TMEM132D: variants seen among roughly 807,000 people sequenced by gnomAD.
TMEM132D encodes transmembrane protein 132D.
TMEM132D carries 21 observed loss-of-function variants against 62.3 expected under a neutral mutation model. The ratio of observed to expected loss-of-function variants is 0.34; its 90% confidence interval spans 0.24 to 0.49. The LOEUF (loss-of-function observed/expected upper bound fraction) is 0.49. Ranked by LOEUF, TMEM132D falls within the 20% of genes least tolerant of loss-of-function variation. The probability of loss-of-function intolerance (pLI) is 0.99; values close to 1 mark genes in which losing one functional copy is unlikely to be tolerated. For synonymous variants in TMEM132D, 621 were observed against 575.6 expected, an observed-to-expected ratio of 1.08 and a Z score of -1.13; for missense variants, 1,346 against 1,402.8, an observed-to-expected ratio of 0.96 and a Z score of 0.65.
chr12:129,527,828 T>C (rs1593052061), intron 3 of TMEM132D, among the ~76,000 whole-genome samples: 3 of 152,378 alleles, frequency 2.0e-5, no homozygotes, highest in Admixed American at 2.0e-4. Context: ...AACATTCACA[T>C]GTTCATACTG....
At chr12:129,605,515 C>T (rs1419420071) in intron 2 of TMEM132D, among the ~76,000 whole-genome samples, 1 of 150,552 alleles carries the variant, frequency 6.6e-6, no homozygotes, top group Non-Finnish European at 1.5e-5. Flanking sequence ...ACTAGAAAAT[C>T]ATACATCAGT....
At chr12:129,285,095 G>A (rs1881252455) in intron 4 of TMEM132D, among the ~76,000 whole-genome samples, 1 of 152,184 alleles carries the variant, frequency 6.6e-6, no homozygotes, top group Non-Finnish European at 1.5e-5. Flanking sequence ...CAAAAGCAAT[G>A]GAGGTTTTTT....
At chr12:129,168,251 ATTTT>A (rs3996445) in intron 5 of TMEM132D, among the ~76,000 whole-genome samples, 1 of 150,938 alleles carries the variant, frequency 6.6e-6, no homozygotes, top group Non-Finnish European at 1.5e-5. Flanking sequence ...CTCTTTTGGG[ATTTT>A]TTTTTTACCA....
chr12:129,886,060 T>C (rs530532014), intron 1 of TMEM132D, among the ~76,000 whole-genome samples: 1 of 152,362 alleles, frequency 6.6e-6, no homozygotes, highest in South Asian at 2.1e-4. Flanking sequence ...AAGATTCTCA[T>C]TATGCAAAAA....
At chr12:129,807,103 TACATGA>T (rs1235357584) in intron 1 of TMEM132D, among the ~76,000 whole-genome samples, 3 of 152,154 alleles carry the variant, frequency 2.0e-5, no homozygotes, top group Admixed American at 6.5e-5. Flanking sequence ...GAGAGGATTT[TACATGA>T]ACATGAAGAT....
At chr12:129,199,195 G>T (rs529212637) in intron 5 of TMEM132D, among the ~76,000 whole-genome samples, 10 of 139,580 alleles carry the variant, frequency 7.2e-5, no homozygotes, top group African/African-American at 2.7e-4. Context: ...CTGCAGCCTC[G>T]ACTTCCCAGG....
intron 3 of TMEM132D, among the ~76,000 whole-genome samples, chr12:129,460,406 A>G (rs995568933): frequency 2.0e-5 from 3 of 152,298 alleles, no homozygotes; most frequent in African/African-American, 7.2e-5. Context: ...TCAGGAAGGG[A>G]TTCCTGCATA....
At chr12:129,819,806 C>T (rs1872494294) in intron 1 of TMEM132D, among the ~76,000 whole-genome samples, 1 of 152,088 alleles carries the variant, frequency 6.6e-6, no homozygotes, top group Non-Finnish European at 1.5e-5. Context: ...ATTATTTAAA[C>T]ATGTTTTCCT....
intron 3 of TMEM132D, among the ~76,000 whole-genome samples, chr12:129,446,811 G>A (rs1488275038): frequency 3.3e-5 from 5 of 152,148 alleles, no homozygotes; most frequent in Admixed American, 6.5e-5. Context: ...TGCTGTGGTG[G>A]TGATTTCTTT....
At chr12:129,383,732 C>T (rs773505356) in intron 3 of TMEM132D, among the ~76,000 whole-genome samples, 3 of 152,224 alleles carry the variant, frequency 2.0e-5, no homozygotes, top group Non-Finnish European at 2.9e-5. Context: ...AGCCACCATG[C>T]CTGGCCTCTA....
chr12:129,643,993 T>G (rs1483490760), intron 2 of TMEM132D, among the ~76,000 whole-genome samples: 1 of 152,096 alleles, frequency 6.6e-6, no homozygotes, highest in Non-Finnish European at 1.5e-5. Flanking sequence ...TAGCTGGGAT[T>G]ATAGGCATGT....
intron 4 of TMEM132D, among the ~76,000 whole-genome samples, chr12:129,327,744 A>G (rs1052936350): frequency 6.6e-6 from 1 of 152,190 alleles, no homozygotes; most frequent in African/African-American, 2.4e-5. Context: ...CCACCAAAGG[A>G]GCCCCCAAAT....
At chr12:129,096,870 C>T (rs1875132829) in intron 5 of TMEM132D, among the ~76,000 whole-genome samples, 1 of 152,200 alleles carries the variant, frequency 6.6e-6, no homozygotes, top group South Asian at 2.1e-4. Flanking sequence ...TTTTACACAA[C>T]CTCAAATTTC....
intron 4 of TMEM132D, among the ~76,000 whole-genome samples, chr12:129,331,118 G>A (rs532433201): frequency 1.3e-5 from 2 of 152,308 alleles, no homozygotes; most frequent in South Asian, 4.1e-4. Flanking sequence ...GATGTGGCAT[G>A]GGAGCTGGGC....
chr12:129,139,402 C>G (rs1876674325), intron 5 of TMEM132D, among the ~76,000 whole-genome samples: 1 of 152,186 alleles, frequency 6.6e-6, no homozygotes, highest in Admixed American at 6.5e-5. Flanking sequence ...AATCAGACAC[C>G]AGCCACAAAC....
intron 2 of TMEM132D, among the ~76,000 whole-genome samples, chr12:129,587,722 G>T (rs1878069760): frequency 6.6e-6 from 1 of 152,042 alleles, no homozygotes; most frequent in African/African-American, 2.4e-5. Context: ...CCTATTCAAT[G>T]GGCAGTTTCC....
chr12:129,244,403 A>ACC (rs35387239), intron 4 of TMEM132D, among the ~76,000 whole-genome samples: 36,698 of 145,268 alleles, frequency 0.25, 4,959 homozygotes, highest in African/African-American at 0.28. Flanking sequence ...AAAAAAAAAA[A>ACC]AAAAAACAAA....
chr12:129,075,800 C>A (rs964360319), intron 8 of TMEM132D, among the ~76,000 whole-genome samples: 1 of 152,248 alleles, frequency 6.6e-6, no homozygotes, highest in Admixed American at 6.5e-5. Flanking sequence ...TTTAGACCAA[C>A]TTTCTTTGCA....
chr12:129,778,526 C>T (rs999435391), intron 1 of TMEM132D, among the ~76,000 whole-genome samples: 2 of 152,144 alleles, frequency 1.3e-5, no homozygotes, highest in Non-Finnish European at 2.9e-5. Flanking sequence ...CACATCAGTT[C>T]GGCTCTCTTC....
Sources: allele counts gnomAD v4.1 joint callset (sites outside exome capture counted in the v4.1 genomes callset), GRCh38; gene constraint gnomAD v4.1.1; transcripts MANE v1.5; gene names NCBI Gene and HGNC (gene_info 2026-07-23, HGNC 2026-07-21).